The following XKR5 variants were observed in gnomAD, a reference collection of about 807,000 sequenced individuals.
XKR5 encodes the protein XK-related protein 5.
Under a neutral mutation model 40.8 loss-of-function variants are expected in XKR5, and 46 were observed. The ratio of observed to expected loss-of-function variants is 1.13; its 90% CI spans 0.89 to 1.44. XKR5 has a LOEUF of 1.44. XKR5 is among the 40% of genes most tolerant of loss of function. The pLI, the probability that XKR5 is intolerant of heterozygous loss-of-function variation, is 0.00. For missense variants in XKR5, 1,169 were observed against 844.7 expected (o/e 1.38, Z -4.76); for synonymous variants, 466 against 356.1 (o/e 1.31, Z -3.48).
intron 4 of XKR5, 129 bp from the exon 5 acceptor site, chr8:6,822,167 A>ATCTCTTCTGGGTTTTGAT: frequency 1.1e-6 from 1 of 877,684 alleles, no homozygotes; most frequent in Non-Finnish European, 1.7e-6. Flanking sequence ...GAGATATCAA[A>ATCTCTTCTGGGTTTTGAT]ACCCAGAAGA....
At chr8:6,829,058 C>G (rs1256784319) in intron 2 of XKR5, 1 of 152,534 alleles carries the variant, frequency 6.6e-6, no homozygotes, top group Non-Finnish European at 1.5e-5. Context: ...GCCTTCAAGC[C>G]TCACTCGAGG....
intron 2 of XKR5, among the ~76,000 whole-genome samples, chr8:6,826,978 T>C (rs1190654345): frequency 1.3e-5 from 2 of 152,176 alleles, no homozygotes; most frequent in African/African-American, 2.4e-5. Flanking sequence ...AGTCAGAACA[T>C]GTCCTTGCTT....
intron 2 of XKR5, among the ~76,000 whole-genome samples, chr8:6,827,290 T>G (rs1804538422): frequency 6.6e-6 from 1 of 152,172 alleles, no homozygotes; most frequent in African/African-American, 2.4e-5. Flanking sequence ...TTCCCTGTCT[T>G]GTTCAATTTA....
chr8:6,826,134 CTT>C (rs772613592), intron 2 of XKR5, among the ~76,000 whole-genome samples: 3 of 151,892 alleles, frequency 2.0e-5, no homozygotes, highest in Non-Finnish European at 4.4e-5. Context: ...TGTACATGTG[CTT>C]GTGTGTGTGT....
chr8:6,820,472 G>C (rs554626866), intron 5 of XKR5, among the ~76,000 whole-genome samples: 2 of 152,344 alleles, frequency 1.3e-5, no homozygotes, highest in Admixed American at 6.5e-5. Flanking sequence ...AAGCAAACAA[G>C]GTGGCAGGTG....
chr8:6,811,668 G>A lies in XKR5; in HGVS notation c.1591C>T (p.Gln531Ter). 3 of 1,537,688 alleles carry A rather than the reference G, an allele frequency of 2.0e-6. No individual in the cohort carries two copies. The highest frequency in any genetic ancestry group is 2.6e-6 in the Non-Finnish European group (3 of 1,147,038). Residue 531 changes from glutamine (Q) to a stop codon, truncating the protein, a stop_gained, in exon 7 of 7, where the codon CAG (glutamine) becomes TAG (stop). Transcript: ENST00000618742. LOFTEE classifies it low-confidence loss of function (END_TRUNC). Reference protein sequence around the residue: ...GTQGKGTGGQQRGGEGQQSST... With the variant: ...GTQGKGTGGQ The stretch of plus-strand genomic sequence containing the variant: ...CTCTGCTGTCCTTCCCCTCCTCTCT[G>A]CTGCCCACCTGTCCCCTTCCCCTGT...
chr8:6,835,317 A>T, intron 1 of XKR5, 119 bp downstream of exon 1: 1 of 1,053,492 alleles, frequency 9.5e-7, no homozygotes, highest in Non-Finnish European at 1.3e-6. Flanking sequence ...ACCGGCGCGC[A>T]GTGCTGGGCG....
intron 2 of XKR5, 55 bp from the exon 3 acceptor site, chr8:6,825,404 A>C: frequency 2.1e-6 from 3 of 1,451,644 alleles, no homozygotes; most frequent in Non-Finnish European, 2.7e-6. Context: ...GAGATTCAAT[A>C]GGACGAGCTT....
At position 6,811,209 on chromosome 8, in the gene XKR5, A is replaced by C. The variant is rs1310421006; in HGVS notation, c.2050T>G (p.Phe684Val). ...CACCATGACTGTGGTCAGATGAAAA[A>C]ACTCGGCTCTTGCTTCATCTGTTCC... is the stretch of plus-strand genomic sequence containing the variant. ...CREQMKQEPS[F>V]FI Residue 684 changes from phenylalanine (F) to valine (V), a missense_variant, in exon 7 of 7, where the codon TTT becomes GTT. By Grantham distance (50) the Phe-to-Val change is conservative (BLOSUM62 -1). Coordinates refer to ENST00000618742, the MANE Select transcript of XKR5 (RefSeq NM_207411.5). 1 of 1,534,972 alleles carries C rather than the reference A, an allele frequency of 6.5e-7. No homozygotes were observed. Among genetic ancestry groups the C allele is most frequent in the African/African-American group, 1.4e-5 (1 of 73,008 alleles).
At chr8:6,834,181 C>A (rs1308007423) in intron 1 of XKR5, among the ~76,000 whole-genome samples, 4 of 152,218 alleles carry the variant, frequency 2.6e-5, no homozygotes, top group Non-Finnish European at 5.9e-5. Flanking sequence ...CTGGTAGAGG[C>A]ACCGCACACA....
intron 6 of XKR5, 58 bp downstream of exon 6, chr8:6,815,749 A>C: frequency 3.8e-6 from 1 of 262,498 alleles, no homozygotes; most frequent in Non-Finnish European, 6.1e-6. Flanking sequence ...AGCCCATTGT[A>C]AAAAAAAAAA....
At chr8:6,820,808 A>G (rs1230270175) in intron 5 of XKR5, among the ~76,000 whole-genome samples, 1 of 152,172 alleles carries the variant, frequency 6.6e-6, no homozygotes. Context: ...TATGGGTCCT[A>G]AAATCAGCAG....
chr8:6,820,182 C>T (rs1804169634), intron 5 of XKR5, among the ~76,000 whole-genome samples: 3 of 152,258 alleles, frequency 2.0e-5, no homozygotes. Flanking sequence ...TTCCCCATCA[C>T]ATGCTGTAGG....
rs551478898 is a variant in XKR5, at chr8:6,811,816, T to G, written c.1443A>C (p.Pro481=). ...FEGVPKAEAD[P]LETSSYVSFA... is the part of the protein sequence containing the mutation. ...AAGATACGTAACTTGAGGTTTCCAA[T>G]GGGTCGGCCTCTGCTTTAGGGACAC... The change falls in exon 7 of 7, where the codon CCA becomes CCC. Residue 481 remains proline, a synonymous_variant. Coordinates refer to ENST00000618742, the MANE Select transcript of XKR5 (RefSeq NM_207411.5). 4.2e-5 allele frequency: 64 copies of G among 1,537,670 alleles called. No homozygotes were observed. The African/African-American group carries it at 8.1e-4, about 19-fold the overall frequency.
chr8:6,823,653 G>A lies in XKR5; in HGVS notation c.505C>T (p.Pro169Ser), dbSNP rs367843740. Residue 169 changes from proline to serine, a missense_variant, in exon 4 of 7, where the codon CCA (proline) becomes TCA (serine). Pro to Ser is a moderately conservative substitution (Grantham distance 74). Transcript: ENST00000618742. ...SYTRFMGFMK[P>S]GHLAMPWAAL... ...GCCCATGGCATGGCCAGGTGGCCTGGCTTCATGAAGCCCATGAAGCGAGTG... is the reference window on the plus strand; with the variant it reads ...GCCCATGGCATGGCCAGGTGGCCTGACTTCATGAAGCCCATGAAGCGAGTG... The A allele has an allele frequency of 2.5e-6, 4 of 1,592,094 alleles. No individual in the cohort carries two copies. In the African/African-American group the frequency reaches 5.4e-5, roughly 21 times the overall value.
Position 6,821,884 on chromosome 8 carries a change from C to T in XKR5, c.792G>A (p.Met264Ile), listed in dbSNP as rs562665352. The change falls in exon 5 of 7, where the codon ATG (methionine) becomes ATA (isoleucine). Residue 264 changes from methionine to isoleucine, a missense_variant. Physicochemically the swap from Met to Ile is conservative, Grantham distance 10. Transcript: ENST00000618742. Reference sequence around the variant, plus strand: ...TGCCACTTGCCATGTAGAACGTGACCATCCTATTTCTAGAAGGGCTGTCCC... The same window carrying T: ...TGCCACTTGCCATGTAGAACGTGACTATCCTATTTCTAGAAGGGCTGTCCC... ...SFWDSPSRNR[M>I]VTFYMVMLLE... The T allele has an allele frequency of 2.2e-5, 36 of 1,613,112 alleles. No homozygotes were observed. In the Admixed American group the frequency reaches 2.5e-4, roughly 11 times the overall value.
At chr8:6,816,486 T>C (rs1379700973) in intron 5 of XKR5, among the ~76,000 whole-genome samples, 2 of 152,146 alleles carry the variant, frequency 1.3e-5, no homozygotes, top group Non-Finnish European at 2.9e-5. Context: ...AAATGGCAGA[T>C]GGTCCAGAAG....
rs529621229 is a variant in XKR5 at position 6,812,209 on chromosome 8, G to T, written c.1050C>A (p.Ala350=). Residue 350 remains alanine (A), a synonymous_variant, in exon 7 of 7, where the codon GCC becomes GCA. Transcript: ENST00000618742. ...CGGTTCTCTTCCCAGCTAGATCTGT[G>T]GCCCGGGGAGAATCTCTTCTCTCTG... ...DKTERRDSPR[A]TDLAGKRTES... 1.2e-5 allele frequency: 19 copies of T among 1,551,872 alleles called. No individual in the cohort carries two copies. The African/African-American group carries it at 2.2e-4, about 18-fold the overall frequency.
At chr8:6,820,368 G>A (rs1804176013) in intron 5 of XKR5, among the ~76,000 whole-genome samples, 1 of 152,228 alleles carries the variant, frequency 6.6e-6, no homozygotes, top group African/African-American at 2.4e-5. Context: ...TGAGATGGTT[G>A]GGAAGAATGA....
Sources: gnomAD v4.1 joint callset for allele counts (sites outside exome capture counted in the v4.1 genomes callset) on GRCh38, gnomAD v4.1.1 for gene constraint, MANE v1.5 for transcripts, NCBI Gene and HGNC (gene_info 2026-07-23, HGNC 2026-07-21) for gene names.